The following SEMA3A variants were observed in gnomAD, a reference collection of about 807,000 sequenced individuals.
SEMA3A encodes semaphorin 3A.
SEMA3A carries 29 observed loss-of-function variants against 97.9 expected under a neutral mutation model. That is an observed-to-expected ratio of 0.30 (90% CI 0.22 to 0.40). The LOEUF (loss-of-function observed/expected upper bound fraction) is 0.40, where lower values mean the gene tolerates loss of function less well. Among genes scored for constraint, SEMA3A ranks in the 10% least tolerant of loss-of-function variants. The pLI is 1.00. For synonymous variants in SEMA3A, 321 were observed against 323.7 expected (o/e 0.99, Z 0.09); for missense variants, 763 against 951.3 (o/e 0.80, Z 2.60).
At chr7:84,016,828 C>T (rs966663323) in intron 6 of SEMA3A, among the ~76,000 whole-genome samples, 1 of 152,070 alleles carries the variant, frequency 6.6e-6, no homozygotes, top group African/African-American at 2.4e-5. Context: ...TAAAAGGAAG[C>T]CTCCATCACA....
chr7:84,300,397 C>T (rs1013978949), intron 3 of SEMA3A, among the ~76,000 whole-genome samples: 1 of 151,848 alleles, frequency 6.6e-6, no homozygotes, highest in Non-Finnish European at 1.5e-5. Flanking sequence ...AAGCAAATCC[C>T]AAAAGGCATA....
intron 3 of SEMA3A, among the ~76,000 whole-genome samples, chr7:84,279,418 G>A (rs1800383292): frequency 6.6e-6 from 1 of 150,966 alleles, no homozygotes; most frequent in Non-Finnish European, 1.5e-5. Context: ...ATTCCACATT[G>A]AGGAACATTC....
At chr7:84,062,748 G>A (rs374352560) in intron 4 of SEMA3A, among the ~76,000 whole-genome samples, 58 of 152,238 alleles carry the variant, frequency 3.8e-4, no homozygotes, top group East Asian at 1.4e-3. Context: ...ATTATATCCC[G>A]CACCTGGCTT....
rs1213753295 is a variant in SEMA3A, at chr7:84,055,840, T to A, written c.547+4625A>T. ...GTATTAGTTAAATGTTATTCTGCAA[T>A]TATTCAAATGACATTATAATTGAGA... On this transcript the variant is annotated intron_variant, in intron 5 of 16. Coordinates refer to ENST00000265362, the MANE Select transcript of SEMA3A (RefSeq NM_006080.3). 2.6e-5 allele frequency among the ~76,000 whole-genome samples: 4 copies of A among 152,258 alleles called. No individual in the cohort carries two copies. In the East Asian group the frequency reaches 7.7e-4, roughly 29 times the overall value.
At chr7:84,378,649 T>C (rs915284873) in intron 1 of SEMA3A, among the ~76,000 whole-genome samples, 3 of 152,078 alleles carry the variant, frequency 2.0e-5, no homozygotes, top group Non-Finnish European at 4.4e-5. Flanking sequence ...ATGGCACATG[T>C]ATACCCATGT....
At chr7:83,986,563 G>C (rs1229281517) in intron 12 of SEMA3A, among the ~76,000 whole-genome samples, 5 of 152,102 alleles carry the variant, frequency 3.3e-5, no homozygotes, top group Admixed American at 3.3e-4. Context: ...GTTCATTCAA[G>C]ACAAACATTA....
At chr7:84,123,154 C>A (rs1329419592) in intron 3 of SEMA3A, among the ~76,000 whole-genome samples, 1 of 152,086 alleles carries the variant, frequency 6.6e-6, no homozygotes, top group Non-Finnish European at 1.5e-5. Context: ...GATTCTTTTA[C>A]CAGCTTAGAA....
chr7:84,024,466 A>G (rs1791470057), intron 6 of SEMA3A, among the ~76,000 whole-genome samples: 1 of 138,966 alleles, frequency 7.2e-6, no homozygotes, highest in Admixed American at 7.5e-5. Flanking sequence ...GAATTGCTTG[A>G]ACCCAGGAGG....
intron 4 of SEMA3A, among the ~76,000 whole-genome samples, chr7:84,061,302 T>C (rs890086847): frequency 6.6e-6 from 1 of 152,178 alleles, no homozygotes; most frequent in South Asian, 2.1e-4. Context: ...ATAAAAAATA[T>C]ACACATGTCT....
intron 3 of SEMA3A, among the ~76,000 whole-genome samples, chr7:84,230,614 A>G (rs1383913348): frequency 1.3e-5 from 2 of 151,814 alleles, no homozygotes; most frequent in Non-Finnish European, 2.9e-5. Flanking sequence ...CCTAATCACC[A>G]TATCTCATTT....
chr7:83,990,092 GT>G lies in SEMA3A; in HGVS notation c.1453-4616del, dbSNP rs1198436117. Among the ~76,000 whole-genome samples, 8 of 151,952 alleles carry G rather than the reference GT, an allele frequency of 5.3e-5. No individual in the cohort carries two copies. In the East Asian group the frequency reaches 7.8e-4, roughly 15 times the overall value. On this transcript the variant is annotated intron_variant, in intron 12 of 16. Coordinates refer to ENST00000265362, the MANE Select transcript of SEMA3A (RefSeq NM_006080.3). Reference sequence around the variant, plus strand: ...AGTGATGATGAGCATTTTTTCATGTGTTTTTTGGCTGCATAAATATCTTCTT... The same window carrying G: ...AGTGATGATGAGCATTTTTTCATGTGTTTTTGGCTGCATAAATATCTTCTT...
At chr7:84,379,992 T>C (rs1054725918) in intron 1 of SEMA3A, among the ~76,000 whole-genome samples, 7 of 152,324 alleles carry the variant, frequency 4.6e-5, no homozygotes, top group African/African-American at 1.2e-4. Flanking sequence ...TGGAGTGAGA[T>C]TGAGTTTAGC....
chr7:84,295,216 A>G (rs1358376178), intron 3 of SEMA3A, among the ~76,000 whole-genome samples: 1 of 152,056 alleles, frequency 6.6e-6, no homozygotes, highest in Non-Finnish European at 1.5e-5. Flanking sequence ...GAATATTTCT[A>G]TAAGACAATG....
chr7:84,290,334 C>T (rs757489288), intron 3 of SEMA3A, among the ~76,000 whole-genome samples: 1 of 151,962 alleles, frequency 6.6e-6, no homozygotes, highest in African/African-American at 2.4e-5. Context: ...ATCTAGAATC[C>T]GAGGACCTCT....
intron 15 of SEMA3A, among the ~76,000 whole-genome samples, chr7:83,973,331 T>C (rs1380199568): frequency 4.6e-5 from 7 of 152,124 alleles, no homozygotes; most frequent in Non-Finnish European, 1.0e-4. Context: ...CCTGAGTCAT[T>C]TGGTGTCCCA....
chr7:84,412,415 A>C (rs1029583945), intron 1 of SEMA3A, among the ~76,000 whole-genome samples: 3 of 152,210 alleles, frequency 2.0e-5, no homozygotes, highest in African/African-American at 7.2e-5. Context: ...ACTTAGTCAC[A>C]GTTTGCAAAC....
chr7:84,114,609 T>C (rs1318818314), intron 3 of SEMA3A, among the ~76,000 whole-genome samples: 1 of 152,020 alleles, frequency 6.6e-6, no homozygotes, highest in Non-Finnish European at 1.5e-5. Context: ...TTCCTGAAGT[T>C]AATCTGTTGA....
intron 5 of SEMA3A, among the ~76,000 whole-genome samples, chr7:84,057,549 G>A (rs1036390125): frequency 3.9e-5 from 6 of 152,080 alleles, no homozygotes; most frequent in African/African-American, 1.2e-4. Context: ...GGTGGATCAC[G>A]AGGTCAGGAG....
rs1795885197 is a variant in SEMA3A at position 84,129,158 on chromosome 7, T to C, written c.298A>G (p.Arg100Gly). The change falls in exon 3 of 17, where the codon AGA (arginine) becomes GGA (glycine). Residue 100 changes from arginine (R) to glycine (G), a missense_variant. Physicochemically the swap from Arg to Gly is moderately radical, Grantham distance 125. Transcript: ENST00000265362. ...KIVWPVSYTR[R>G]DECKWAGKDI... ...TTTCCAGCCCACTTGCATTCATCTCTTCTGGTGTAAGATACTGGCCACACA... is the reference window on the plus strand; with the variant it reads ...TTTCCAGCCCACTTGCATTCATCTCCTCTGGTGTAAGATACTGGCCACACA... 1 of 1,612,594 alleles carries C rather than the reference T, an allele frequency of 6.2e-7. No homozygotes were observed. Among genetic ancestry groups the C allele is most frequent in the Admixed American group, 1.7e-5 (1 of 59,982 alleles).
Sources: gnomAD v4.1 joint callset for allele counts (sites outside exome capture counted in the v4.1 genomes callset) on GRCh38, gnomAD v4.1.1 for gene constraint, MANE v1.5 for transcripts, NCBI Gene and HGNC (gene_info 2026-07-23, HGNC 2026-07-21) for gene names.